Variants in SRBD1 observed in about 807,000 individuals in gnomAD.
The protein encoded by SRBD1 is S1 RNA binding domain 1, also known as S1 RNA-binding domain-containing protein 1.
Under a neutral mutation model 115.3 loss-of-function variants are expected in SRBD1, and 88 were observed. The observed-to-expected ratio is 0.76, with a 90% CI of 0.64 to 0.91. SRBD1 has a LOEUF of 0.91. Ranked by LOEUF, SRBD1 falls within the 40% of genes least tolerant of loss-of-function variation. The probability of loss-of-function intolerance (pLI) is 0.00; values close to 1 mark genes in which losing one functional copy is unlikely to be tolerated. For missense variants in SRBD1, 1,385 were observed against 1,177.4 expected, an observed-to-expected ratio of 1.18 and a Z score of -2.58; for synonymous variants, 509 against 407.7, an observed-to-expected ratio of 1.25 and a Z score of -2.99.
At chr2:45,581,277 A>G (rs1308197653) in intron 6 of SRBD1, among the ~76,000 whole-genome samples, 2 of 151,960 alleles carry the variant, frequency 1.3e-5, no homozygotes, top group Non-Finnish European at 2.9e-5. Flanking sequence ...CTCCATCCAC[A>G]CTTCAAAAGG....
chr2:45,605,210 C>T, intron 2 of SRBD1, 152 bp downstream of exon 2: 1 of 638,198 alleles, frequency 1.6e-6, no homozygotes, highest in Non-Finnish European at 2.7e-6. Flanking sequence ...ACCTGGAACA[C>T]AGCATGAGTT....
At chr2:45,583,648 T>C (rs1673430504) in intron 5 of SRBD1, among the ~76,000 whole-genome samples, 5 of 152,216 alleles carry the variant, frequency 3.3e-5, no homozygotes. Context: ...GTATGACTTA[T>C]TAAATTGGTT....
intron 16 of SRBD1, among the ~76,000 whole-genome samples, chr2:45,441,792 A>G (rs541905828): frequency 8.5e-5 from 13 of 152,312 alleles, no homozygotes; most frequent in African/African-American, 2.9e-4. Context: ...CTATTATAGA[A>G]ACGCTTTCTT....
chr2:45,528,353 A>C (rs766742158), intron 14 of SRBD1, among the ~76,000 whole-genome samples: 10 of 151,846 alleles, frequency 6.6e-5, no homozygotes, highest in Admixed American at 1.3e-4. Context: ...GGAAGGAAGA[A>C]ATAGGAGACA....
chr2:45,507,399 C>G (rs1421287583), intron 14 of SRBD1, among the ~76,000 whole-genome samples: 2 of 152,032 alleles, frequency 1.3e-5, no homozygotes, highest in Non-Finnish European at 2.9e-5. Flanking sequence ...ATCAAAATCA[C>G]AGAACATTCT....
intron 12 of SRBD1, 143 bp from the exon 13 acceptor site, chr2:45,547,755 C>G: frequency 1.6e-6 from 1 of 607,602 alleles, no homozygotes; most frequent in South Asian, 2.3e-5. Context: ...TTCACTAAAT[C>G]AGATTCTTCC....
chr2:45,579,932 G>A lies in SRBD1; in HGVS notation c.1015C>T (p.Leu339=). Residue 339 remains leucine, a synonymous_variant, in exon 7 of 21, where the codon CTG becomes TTG. Coordinates refer to ENST00000263736, the MANE Select transcript of SRBD1 (RefSeq NM_018079.5). The part of the protein sequence containing the change: ...QLGLEGAARA[L]LEKPGELSLL... ...CTGAGCTCCCCTGGTTTCTCAAGCA[G>A]TGCCCTGGCTGCTCCTTCTAAGCCC... 3.1e-6 allele frequency: 5 copies of A among 1,609,704 alleles called. No homozygotes were observed. Among genetic ancestry groups the A allele is most frequent in the Non-Finnish European group, 4.2e-6 (5 of 1,177,918 alleles).
intron 6 of SRBD1, among the ~76,000 whole-genome samples, chr2:45,580,301 T>G (rs1362273735): frequency 6.6e-6 from 1 of 152,128 alleles, no homozygotes; most frequent in Non-Finnish European, 1.5e-5. Context: ...TCAAGCAAGC[T>G]CCTTTAAAAG....
At chr2:45,592,048 G>C (rs571962618) in intron 4 of SRBD1, among the ~76,000 whole-genome samples, 12 of 152,224 alleles carry the variant, frequency 7.9e-5, no homozygotes, top group Non-Finnish European at 1.2e-4. Flanking sequence ...CTATTCTTGC[G>C]ATAGTGAATA....
intron 16 of SRBD1, among the ~76,000 whole-genome samples, chr2:45,427,649 G>A (rs1010048666): frequency 3.9e-5 from 6 of 152,132 alleles, no homozygotes; most frequent in African/African-American, 1.4e-4. Context: ...AAACCTGGCA[G>A]AAACACAACA....
intron 16 of SRBD1, among the ~76,000 whole-genome samples, chr2:45,450,455 T>C (rs1410391268): frequency 1.3e-5 from 2 of 152,134 alleles, no homozygotes; most frequent in East Asian, 3.9e-4. Context: ...AGTAGTAACA[T>C]GTTTCCAAAA....
At chr2:45,555,814 C>T (rs1007238204) in intron 10 of SRBD1, among the ~76,000 whole-genome samples, 3 of 152,086 alleles carry the variant, frequency 2.0e-5, no homozygotes, top group Non-Finnish European at 4.4e-5. Flanking sequence ...TTCTCTGCTA[C>T]AAACCCTGCT....
At chr2:45,438,825 C>G (rs377094603) in intron 16 of SRBD1, among the ~76,000 whole-genome samples, 1 of 151,938 alleles carries the variant, frequency 6.6e-6, no homozygotes, top group African/African-American at 2.4e-5. Context: ...GAAGTAGTAA[C>G]AAAACTTTCC....
chr2:45,447,476 A>C (rs1668861950), intron 16 of SRBD1: 1 of 152,144 alleles, frequency 6.6e-6, no homozygotes, highest in African/African-American at 2.4e-5. Flanking sequence ...AAGGCATGTC[A>C]CATTTCCTAA....
intron 19 of SRBD1, among the ~76,000 whole-genome samples, chr2:45,400,080 CA>C (rs1218348250): frequency 6.6e-6 from 1 of 152,138 alleles, no homozygotes; most frequent in Non-Finnish European, 1.5e-5. Context: ...ATCCTCCTAT[CA>C]AAAAATTTGA....
chr2:45,454,672 G>A (rs1418524036), intron 16 of SRBD1, among the ~76,000 whole-genome samples: 3 of 151,790 alleles, frequency 2.0e-5, no homozygotes, highest in African/African-American at 4.8e-5. Flanking sequence ...CCAAACTCAA[G>A]CGATAGTCTG....
intron 18 of SRBD1, 77 bp downstream of exon 18, chr2:45,418,288 A>G: frequency 2.6e-6 from 4 of 1,515,112 alleles, no homozygotes; most frequent in Non-Finnish European, 3.6e-6. Context: ...AAAATTTTAC[A>G]CTAATCAGTG....
chr2:45,585,534 G>A (rs901342923), intron 5 of SRBD1, 74 bp downstream of exon 5: 22 of 1,452,300 alleles, frequency 1.5e-5, no homozygotes, highest in Middle Eastern at 3.5e-4. Context: ...CAAATATACC[G>A]TCATTCACTT....
At chr2:45,394,975 G>C (rs557431411) in intron 19 of SRBD1, among the ~76,000 whole-genome samples, 1 of 152,320 alleles carries the variant, frequency 6.6e-6, no homozygotes, top group African/African-American at 2.4e-5. Flanking sequence ...GTATCTCTTA[G>C]TGCTGATGGA....
Sources: gnomAD v4.1 joint callset for allele counts (sites outside exome capture counted in the v4.1 genomes callset) on GRCh38, gnomAD v4.1.1 for gene constraint, MANE v1.5 for transcripts, NCBI Gene and HGNC (gene_info 2026-07-23, HGNC 2026-07-21) for gene names.